Variants in ACTA2 observed in about 807,000 individuals in gnomAD.
ACTA2 encodes the protein actin alpha 2, smooth muscle.
A neutral mutation model predicts 39.5 loss-of-function variants in ACTA2; 12 were observed. That is an observed-to-expected ratio of 0.30 (90% CI 0.19 to 0.49). The LOEUF is 0.49. ACTA2 is among the 20% of genes least tolerant of loss of function. The pLI is 0.99. For missense variants in ACTA2, 236 were observed against 498.8 expected (o/e 0.47, Z 5.02); for synonymous variants, 158 against 180.6 (o/e 0.88, Z 1.00).
chr10:88,935,750 C>G (rs1845725595), intron 8 of ACTA2, among the ~76,000 whole-genome samples: 1 of 152,174 alleles, frequency 6.6e-6, no homozygotes, highest in African/African-American at 2.4e-5. Flanking sequence ...AAACCCTAGC[C>G]TATTCAAAGG....
intron 4 of ACTA2, among the ~76,000 whole-genome samples, chr10:88,943,377 T>C (rs1845890043): frequency 6.6e-6 from 1 of 152,190 alleles, no homozygotes; most frequent in Non-Finnish European, 1.5e-5. Flanking sequence ...TCCCAACTTA[T>C]AGACAAGGAA....
At chr10:88,965,126 T>C (rs1370233400) in intron 1 of ACTA2, among the ~76,000 whole-genome samples, 1 of 152,202 alleles carries the variant, frequency 6.6e-6, no homozygotes, top group African/African-American at 2.4e-5. Flanking sequence ...GCATTTTTTC[T>C]ACAGGGAGAA....
At chr10:88,967,377 C>T (rs767966438) in intron 1 of ACTA2, among the ~76,000 whole-genome samples, 1 of 152,136 alleles carries the variant, frequency 6.6e-6, no homozygotes, top group Non-Finnish European at 1.5e-5. Context: ...CTTGGCAAAT[C>T]ATCTAGCATC....
chr10:88,951,427 T>G (rs1589402240), intron 1 of ACTA2, among the ~76,000 whole-genome samples: 1 of 151,774 alleles, frequency 6.6e-6, no homozygotes, highest in Admixed American at 6.6e-5. Flanking sequence ...GGAGGAGGGG[T>G]TGACTATACT....
intron 1 of ACTA2, among the ~76,000 whole-genome samples, chr10:88,987,447 C>T (rs1846935858): frequency 6.6e-6 from 1 of 152,220 alleles, no homozygotes; most frequent in Non-Finnish European, 1.5e-5. Flanking sequence ...GATAGCTCTA[C>T]CAACCTTGAT....
chr10:88,963,954 C>T (rs985702218), intron 1 of ACTA2, among the ~76,000 whole-genome samples: 7 of 152,030 alleles, frequency 4.6e-5, no homozygotes, highest in East Asian at 1.9e-4. Flanking sequence ...CCTACTTTGG[C>T]GTCTAATTTT....
At chr10:88,947,137 A>C in intron 3 of ACTA2, 121 bp downstream of exon 3, 1 of 1,403,442 alleles carries the variant, frequency 7.1e-7, no homozygotes, top group South Asian at 1.3e-5. Flanking sequence ...AACATTAACA[A>C]GTAAAAGTAC....
At position 88,939,415 on chromosome 10, in the gene ACTA2, C is replaced by A. The variant is rs1275018049; in HGVS notation, c.808+92G>T. On this transcript the variant is annotated intron_variant, in intron 7 of 8. Coordinates refer to ENST00000224784, the MANE Select transcript of ACTA2 (RefSeq NM_001613.4). Reference sequence around the variant, plus strand: ...TTTAGAAATGCTTTTGGTCTTGGGGCAACCGTCACTTGTCTCCATGTTCTG... The same window carrying A: ...TTTAGAAATGCTTTTGGTCTTGGGGAAACCGTCACTTGTCTCCATGTTCTG... 1.5e-5 allele frequency: 23 copies of A among 1,539,854 alleles called. No homozygotes were observed. The East Asian group carries it at 4.7e-4, about 32-fold the overall frequency.
At chr10:88,952,171 T>C (rs1846062160) in intron 1 of ACTA2, among the ~76,000 whole-genome samples, 1 of 152,132 alleles carries the variant, frequency 6.6e-6, no homozygotes, top group African/African-American at 2.4e-5. Context: ...AAAAGAGATA[T>C]ACATTTCCAA....
chr10:88,962,558 A>G (rs1388706934), intron 1 of ACTA2, among the ~76,000 whole-genome samples: 1 of 152,142 alleles, frequency 6.6e-6, no homozygotes, highest in Non-Finnish European at 1.5e-5. Context: ...AAGTAGTAAC[A>G]AAAGCTCTTG....
At chr10:88,986,168 G>A (rs571364057) in intron 1 of ACTA2, among the ~76,000 whole-genome samples, 2 of 152,272 alleles carry the variant, frequency 1.3e-5, no homozygotes, top group African/African-American at 4.8e-5. Context: ...ATTGCCTTAA[G>A]CTAAGCCCAC....
At chr10:88,958,360 A>G (rs958965404) in intron 1 of ACTA2, among the ~76,000 whole-genome samples, 1 of 152,214 alleles carries the variant, frequency 6.6e-6, no homozygotes, top group Non-Finnish European at 1.5e-5. Context: ...GCTATGAGCT[A>G]TTTGCTCTAC....
At chr10:88,980,268 A>G (rs1433770089) in intron 1 of ACTA2, among the ~76,000 whole-genome samples, 2 of 152,158 alleles carry the variant, frequency 1.3e-5, no homozygotes, top group Non-Finnish European at 2.9e-5. Context: ...TATAGATTTG[A>G]AGAGCATCTG....
At chr10:88,982,592 G>T (rs984517006) in intron 1 of ACTA2, among the ~76,000 whole-genome samples, 4 of 152,204 alleles carry the variant, frequency 2.6e-5, no homozygotes, top group African/African-American at 9.7e-5. Flanking sequence ...GAGGGAGTCA[G>T]CAGGCTTCTA....
intron 6 of ACTA2, 37 bp downstream of exon 6, chr10:88,941,192 C>A: frequency 6.2e-7 from 1 of 1,612,460 alleles, no homozygotes; most frequent in Non-Finnish European, 8.5e-7. Context: ...GAGCAACACA[C>A]TGCTCCCCTC....
intron 1 of ACTA2, among the ~76,000 whole-genome samples, chr10:88,964,997 C>T (rs542914640): frequency 6.6e-6 from 1 of 152,118 alleles, no homozygotes; most frequent in Non-Finnish European, 1.5e-5. Context: ...TATAGTCCAG[C>T]CCTGTGTATT....
chr10:88,943,889 A>G lies in ACTA2; in HGVS notation c.277T>C (p.Tyr93His). 6.2e-7 allele frequency: 1 copy of G among 1,614,014 alleles called. No individual in the cohort carries two copies. The change falls in exon 4 of 9, where the codon TAC becomes CAC. Residue 93 changes from tyrosine to histidine, a missense_variant. Coordinates refer to ENST00000224784, the MANE Select transcript of ACTA2 (RefSeq NM_001613.4). ...TCAGGGGCAACACGAAGCTCATTGT[A>G]GAAAGAGTGGTGCCAGATCTAGTGA... is the stretch of plus-strand genomic sequence containing the variant. Reference protein sequence around the residue: ...DMEKIWHHSFYNELRVAPEEH... With the variant: ...DMEKIWHHSFHNELRVAPEEH...
intron 1 of ACTA2, among the ~76,000 whole-genome samples, chr10:88,958,169 A>G (rs1184780797): frequency 6.6e-6 from 1 of 152,200 alleles, no homozygotes; most frequent in Non-Finnish European, 1.5e-5. Flanking sequence ...AATATGTCCA[A>G]CTATAATATG....
intron 4 of ACTA2, among the ~76,000 whole-genome samples, chr10:88,943,056 C>T (rs994852341): frequency 1.3e-5 from 2 of 152,186 alleles, no homozygotes; most frequent in African/African-American, 4.8e-5. Context: ...AATCATAGTT[C>T]CTGCTTCACA....
Sources: allele counts gnomAD v4.1 joint callset (sites outside exome capture counted in the v4.1 genomes callset), GRCh38; gene constraint gnomAD v4.1.1; transcripts MANE v1.5; gene names NCBI Gene and HGNC (gene_info 2026-07-23, HGNC 2026-07-21).